The following AKAP7 variants were observed in gnomAD, a reference collection of about 807,000 sequenced individuals.
AKAP7 encodes the protein A-kinase anchoring protein 7.
Under a neutral mutation model 39.5 loss-of-function variants are expected in AKAP7, and 39 were observed. The ratio of observed to expected loss-of-function variants is 0.99; its 90% CI spans 0.76 to 1.29. The LOEUF (loss-of-function observed/expected upper bound fraction) is 1.29. Ranked by LOEUF, AKAP7 falls within the 50% of genes most tolerant of loss-of-function variation. The pLI, the probability that AKAP7 is intolerant of heterozygous loss-of-function variation, is 0.00. For synonymous variants in AKAP7, 140 were observed against 139.1 expected (o/e 1.01, Z -0.05); for missense variants, 414 against 407.7 (o/e 1.02, Z -0.13).
intron 2 of AKAP7, among the ~76,000 whole-genome samples, chr6:131,148,197 A>G (rs1801628165): frequency 6.6e-6 from 1 of 152,230 alleles, no homozygotes; most frequent in South Asian, 2.1e-4. Context: ...TATGTATACT[A>G]GGGGCTCAGG....
intron 7 of AKAP7, among the ~76,000 whole-genome samples, chr6:131,273,095 C>T (rs1378685050): frequency 5.9e-5 from 9 of 152,070 alleles, no homozygotes; most frequent in African/African-American, 2.2e-4. Context: ...ATATCTCTTC[C>T]GGGTAATACT....
Position 131,169,107 on chromosome 6 carries a change from T to C in AKAP7, c.429-6T>C. ...TGTTACTGAAAAATGTATTATTTCT[T>C]ACTAGTGGTATTGATGCTCTTTTGG... On this transcript the variant is annotated splice_polypyrimidine_tract_variant and splice_region_variant and intron_variant, in intron 4 of 7. Transcript: ENST00000431975. 6.3e-7 allele frequency: 1 copy of C among 1,597,776 alleles called. No individual in the cohort carries two copies. Among genetic ancestry groups the C allele is most frequent in the Non-Finnish European group, 8.6e-7 (1 of 1,166,558 alleles).
chr6:131,174,506 T>C (rs998356260), intron 5 of AKAP7, among the ~76,000 whole-genome samples: 3 of 152,244 alleles, frequency 2.0e-5, no homozygotes, highest in Admixed American at 2.0e-4. Flanking sequence ...GGTAGGAGGA[T>C]CACTTGAGCT....
chr6:131,133,192 A>G (rs1318185961), upstream of AKAP7, among the ~76,000 whole-genome samples: 1 of 152,198 alleles, frequency 6.6e-6, no homozygotes, highest in Admixed American at 6.5e-5. Context: ...AAGGAGACTA[A>G]GGAATTGCGT....
At chr6:131,196,484 G>A (rs564781456) in intron 5 of AKAP7, among the ~76,000 whole-genome samples, 2 of 152,018 alleles carry the variant, frequency 1.3e-5, no homozygotes, top group South Asian at 2.1e-4. Flanking sequence ...GGCTGGTCTC[G>A]AACTTCTGAC....
intron 7 of AKAP7, 35 bp downstream of exon 7, chr6:131,219,843 T>C: frequency 7.3e-7 from 1 of 1,372,520 alleles, no homozygotes; most frequent in Non-Finnish European, 9.6e-7. Context: ...ATTATCTTTA[T>C]TTTTAATTTT....
chr6:131,206,783 A>G (rs1674929109), intron 6 of AKAP7, among the ~76,000 whole-genome samples: 1 of 150,112 alleles, frequency 6.7e-6, no homozygotes, highest in Non-Finnish European at 1.5e-5. Flanking sequence ...CTGTCCATCC[A>G]TCCATCTATC....
rs531262793 is a variant in AKAP7, at chr6:131,222,013, A to G, written c.850+2205A>G. Among the ~76,000 whole-genome samples the G allele has an allele frequency of 2.6e-5, 4 of 152,358 alleles. No homozygotes were observed. The South Asian group carries it at 8.3e-4, about 32-fold the overall frequency. ...TTTTGTAAGGCTATAGCTGCCATGA[A>G]TAGTGATTATTGTGATAGATATGAG... On this transcript the variant is annotated intron_variant, in intron 7 of 7. Transcript: ENST00000431975.
upstream of AKAP7, among the ~76,000 whole-genome samples, chr6:131,130,530 A>G (rs1420157106): frequency 6.6e-6 from 1 of 152,206 alleles, no homozygotes; most frequent in East Asian, 1.9e-4. Flanking sequence ...TCCTGACCTC[A>G]GGTTGTCCAC....
chr6:131,272,692 AATCC>A (rs2128335846), intron 7 of AKAP7, among the ~76,000 whole-genome samples: 1 of 152,330 alleles, frequency 6.6e-6, no homozygotes, highest in South Asian at 2.1e-4. Context: ...TTCTTATTTG[AATCC>A]ATTGTGGAAC....
the AKAP7 span, among the ~76,000 whole-genome samples, chr6:131,126,372 GAGTCGATATCCACAAATGTAACA>G: frequency 6.6e-6 from 1 of 152,240 alleles, no homozygotes; most frequent in African/African-American, 2.4e-5. Context: ...TGCAAATGTT[GAGTCGATATCCACAAATGTAACA>G]AGTTTATGAT....
Position 131,282,238 on chromosome 6 carries a change from ATTTATAG to A in AKAP7, c.*514_*520del. The A allele has an allele frequency of 7.4e-7, 1 of 1,346,422 alleles. No individual in the cohort carries two copies. Among genetic ancestry groups the A allele is most frequent in the Admixed American group, 3.5e-5 (1 of 28,838 alleles). 83.4% of individuals were successfully genotyped at this position (1,346,422 alleles called of 1,614,324 possible). A position where few individuals can be genotyped will look rare whatever the true frequency, so the allele number is the denominator to read the frequency against. Reference sequence around the variant, plus strand: ...GCTGTTGCTATGCAGTGTGATCTTTATTTATAGTAAATTATGTTTCATGTAAATGATA... The same window carrying A: ...GCTGTTGCTATGCAGTGTGATCTTTATAAATTATGTTTCATGTAAATGATA... On this transcript the variant is annotated 3_prime_UTR_variant, in exon 8 of 8. Coordinates refer to ENST00000431975, the MANE Select transcript of AKAP7 (RefSeq NM_016377.4).
intron 2 of AKAP7, among the ~76,000 whole-genome samples, chr6:131,154,143 G>A (rs888352896): frequency 8.5e-5 from 13 of 152,130 alleles, no homozygotes; most frequent in African/African-American, 2.4e-5. Flanking sequence ...GGGAGGCAGA[G>A]GTTGCAGTGA....
chr6:131,263,594 G>A (rs1813541158), intron 7 of AKAP7, among the ~76,000 whole-genome samples: 1 of 152,162 alleles, frequency 6.6e-6, no homozygotes, highest in African/African-American at 2.4e-5. Flanking sequence ...CCCAGAAGAT[G>A]GAAATGAAGT....
intron 6 of AKAP7, among the ~76,000 whole-genome samples, chr6:131,205,148 A>G (rs1807970431): frequency 6.6e-6 from 1 of 152,176 alleles, no homozygotes; most frequent in Non-Finnish European, 1.5e-5. Flanking sequence ...ATTATTGTCT[A>G]TAGGAGGTAT....
At chr6:131,216,455 A>G (rs527479216) in intron 6 of AKAP7, among the ~76,000 whole-genome samples, 12 of 152,298 alleles carry the variant, frequency 7.9e-5, no homozygotes, top group South Asian at 2.1e-4. Flanking sequence ...CATGCATTCA[A>G]TGGCATTTTC....
intron 7 of AKAP7, chr6:131,250,038 G>A (rs1239063101): frequency 2.9e-6 from 1 of 341,682 alleles, no homozygotes; most frequent in Admixed American, 6.3e-5. Flanking sequence ...TGATTCCAGT[G>A]TTCTGCTATG....
chr6:131,253,042 T>C (rs1368456129), intron 7 of AKAP7: 1 of 1,613,410 alleles, frequency 6.2e-7, no homozygotes, highest in Non-Finnish European at 8.5e-7. Context: ...CACAGGTGAG[T>C]TGGAAAGCTC....
At chr6:131,168,801 A>G (rs1003936237) in intron 4 of AKAP7, among the ~76,000 whole-genome samples, 1 of 152,194 alleles carries the variant, frequency 6.6e-6, no homozygotes, top group Non-Finnish European at 1.5e-5. Context: ...ATATATTTTC[A>G]GTAATTTTTT....
Sources: gnomAD v4.1 joint callset for allele counts (sites outside exome capture counted in the v4.1 genomes callset) on GRCh38, gnomAD v4.1.1 for gene constraint, MANE v1.5 for transcripts, NCBI Gene and HGNC (gene_info 2026-07-23, HGNC 2026-07-21) for gene names.